Variants in COL14A1 observed in about 807,000 individuals in gnomAD.
COL14A1 encodes collagen alpha-1(XIV) chain.
In COL14A1, 136 loss-of-function variants were observed where a neutral mutation model predicts 230.3. The observed-to-expected ratio is 0.59, with a 90% confidence interval of 0.51 to 0.68. COL14A1 has a LOEUF of 0.68. Among genes scored for constraint, COL14A1 ranks in the 30% least tolerant of loss-of-function variants. COL14A1 has a pLI of 0.00. For missense variants in COL14A1, 1,976 were observed against 2,215.8 expected, an observed-to-expected ratio of 0.89 and a Z score of 2.17; for synonymous variants, 792 against 784.1, an observed-to-expected ratio of 1.01 and a Z score of -0.17.
chr8:120,308,373 C>T (rs192202767), intron 36 of COL14A1, among the ~76,000 whole-genome samples: 1 of 152,288 alleles, frequency 6.6e-6, no homozygotes, highest in Admixed American at 6.5e-5. Flanking sequence ...CTTAACATAT[C>T]CAAGGTTCAG....
intron 26 of COL14A1, among the ~76,000 whole-genome samples, chr8:120,276,596 C>T (rs1051030338): frequency 4.6e-5 from 7 of 151,748 alleles, no homozygotes; most frequent in Admixed American, 1.3e-4. Context: ...GTCTGGTTTT[C>T]TGTCCTTGTG....
chr8:120,333,740 A>G (rs977823739), intron 42 of COL14A1, among the ~76,000 whole-genome samples: 1 of 152,244 alleles, frequency 6.6e-6, no homozygotes, highest in Non-Finnish European at 1.5e-5. Context: ...TGGAGGCTAG[A>G]GGAGAGAATC....
At chr8:120,307,469 T>C (rs1444880375) in intron 36 of COL14A1, among the ~76,000 whole-genome samples, 1 of 152,212 alleles carries the variant, frequency 6.6e-6, no homozygotes, top group Non-Finnish European at 1.5e-5. Context: ...CACTCCACGA[T>C]GTTCACACAA....
intron 15 of COL14A1, 125 bp downstream of exon 15, chr8:120,225,339 A>G: frequency 1.3e-6 from 1 of 797,160 alleles, no homozygotes; most frequent in Non-Finnish European, 1.9e-6. Context: ...TATTTCTTTT[A>G]TGTTATTAAA....
At chr8:120,343,035 A>G (rs1047239189) in intron 44 of COL14A1, among the ~76,000 whole-genome samples, 1 of 152,196 alleles carries the variant, frequency 6.6e-6, no homozygotes, top group African/African-American at 2.4e-5. Context: ...AAATTACATC[A>G]TAACAAACTT....
intron 2 of COL14A1, among the ~76,000 whole-genome samples, chr8:120,153,781 G>A (rs1462560371): frequency 1.3e-5 from 2 of 152,178 alleles, no homozygotes; most frequent in Non-Finnish European, 2.9e-5. Flanking sequence ...AAATAATCAA[G>A]CTTTGAAAAG....
chr8:120,211,459 A>G (rs1324208299), intron 12 of COL14A1, among the ~76,000 whole-genome samples: 1 of 152,216 alleles, frequency 6.6e-6, no homozygotes, highest in Non-Finnish European at 1.5e-5. Flanking sequence ...TTGTTTATAG[A>G]TATATCTATA....
chr8:120,320,516 T>C (rs1821400322), intron 40 of COL14A1, among the ~76,000 whole-genome samples: 1 of 152,214 alleles, frequency 6.6e-6, no homozygotes, highest in African/African-American at 2.4e-5. Context: ...AGACTTGAAA[T>C]GCACTTGAGA....
chr8:120,194,717 G>A (rs1816965259), intron 5 of COL14A1, among the ~76,000 whole-genome samples: 1 of 151,896 alleles, frequency 6.6e-6, no homozygotes, highest in Non-Finnish European at 1.5e-5. Flanking sequence ...CTATCCACAT[G>A]GTTCCCAATT....
chr8:120,361,844 C>G (rs184610750), intron 45 of COL14A1, among the ~76,000 whole-genome samples: 1 of 152,280 alleles, frequency 6.6e-6, no homozygotes, highest in Admixed American at 6.5e-5. Context: ...AATCTCCCAA[C>G]TCAGAGGCCA....
intron 34 of COL14A1, among the ~76,000 whole-genome samples, chr8:120,291,350 A>G (rs1820368047): frequency 6.6e-6 from 1 of 152,038 alleles, no homozygotes; most frequent in African/African-American, 2.4e-5. Context: ...TCATGAGGTC[A>G]GGAGATCAAG....
rs1215950438 is a variant in COL14A1, at chr8:120,300,712, C to CT, written c.4315-13dup. 2 of 1,597,624 alleles carry CT rather than the reference C, an allele frequency of 1.3e-6. No individual in the cohort carries two copies. Among genetic ancestry groups the CT allele is most frequent in the Non-Finnish European group, 8.6e-7 (1 of 1,168,228 alleles). On this transcript the variant is annotated intron_variant, in intron 35 of 47. Coordinates refer to ENST00000297848, the MANE Select transcript of COL14A1 (RefSeq NM_021110.4). ...ATAAACTGGCATGCTAATGGTTGTG[C>CT]TTTTTTTGTTTCTTTTCAGAGAGAT...
chr8:120,222,507 C>CTTCAGA (rs1327097182), intron 14 of COL14A1, among the ~76,000 whole-genome samples: 3 of 152,110 alleles, frequency 2.0e-5, no homozygotes, highest in Admixed American at 6.6e-5. Context: ...CCATGTGTGA[C>CTTCAGA]CCCTCAACTG....
intron 26 of COL14A1, among the ~76,000 whole-genome samples, chr8:120,273,226 A>G (rs996593812): frequency 5.9e-5 from 9 of 151,906 alleles, no homozygotes; most frequent in Non-Finnish European, 1.3e-4. Context: ...AAGGAAATTT[A>G]AAAATTATTT....
At chr8:120,221,721 G>T (rs1817941011) in intron 14 of COL14A1, among the ~76,000 whole-genome samples, 1 of 152,110 alleles carries the variant, frequency 6.6e-6, no homozygotes, top group Non-Finnish European at 1.5e-5. Flanking sequence ...CAAGGTCAAG[G>T]CCTAACTAGA....
At chr8:120,357,780 T>C (rs1291843590) in intron 45 of COL14A1, among the ~76,000 whole-genome samples, 1 of 152,188 alleles carries the variant, frequency 6.6e-6, no homozygotes, top group East Asian at 1.9e-4. Flanking sequence ...TATGTTTGTT[T>C]TTCTCTCCTG....
intron 45 of COL14A1, among the ~76,000 whole-genome samples, chr8:120,361,800 G>A (rs1356691926): frequency 6.6e-5 from 10 of 152,150 alleles, no homozygotes; most frequent in African/African-American, 9.7e-5. Context: ...GCTGGAGTGC[G>A]TGGTGTGGTC....
intron 40 of COL14A1, among the ~76,000 whole-genome samples, chr8:120,327,195 C>A (rs1821704680): frequency 6.6e-6 from 1 of 152,094 alleles, no homozygotes; most frequent in Non-Finnish European, 1.5e-5. Context: ...TGATTGGACC[C>A]CCTTTACTTG....
At chr8:120,147,249 C>T (rs1214011446) in intron 1 of COL14A1, among the ~76,000 whole-genome samples, 1 of 151,794 alleles carries the variant, frequency 6.6e-6, no homozygotes, top group Admixed American at 6.6e-5. Context: ...GTTTTAGATT[C>T]ACTTATATTA....
Sources: allele counts gnomAD v4.1 joint callset (sites outside exome capture counted in the v4.1 genomes callset), GRCh38; gene constraint gnomAD v4.1.1; transcripts MANE v1.5; gene names NCBI Gene and HGNC (gene_info 2026-07-23, HGNC 2026-07-21).